Variants in HSF2BP observed in about 807,000 individuals in gnomAD.
HSF2BP encodes heat shock transcription factor 2 binding protein, also known as heat shock factor 2-binding protein.
In HSF2BP, 35 loss-of-function variants were observed where a neutral mutation model predicts 35.0. That is an observed-to-expected ratio of 1.00 (90% CI 0.76 to 1.32). The LOEUF (loss-of-function observed/expected upper bound fraction) is 1.32. HSF2BP is among the 40% of genes most tolerant of loss of function. The pLI, the probability that HSF2BP is intolerant of heterozygous loss-of-function variation, is 0.00. For synonymous variants in HSF2BP, 114 were observed against 117.4 expected, an observed-to-expected ratio of 0.97 and a Z score of 0.18; for missense variants, 326 against 321.7, an observed-to-expected ratio of 1.01 and a Z score of -0.10.
At chr21:43,578,661 T>G (rs982382908) in intron 8 of HSF2BP, among the ~76,000 whole-genome samples, 1 of 152,318 alleles carries the variant, frequency 6.6e-6, no homozygotes, top group Non-Finnish European at 1.5e-5. Context: ...GTGATAACCT[T>G]AGCATGCTGT....
intron 7 of HSF2BP, among the ~76,000 whole-genome samples, chr21:43,609,070 G>A (rs1477260682): frequency 6.6e-6 from 1 of 152,214 alleles, no homozygotes; most frequent in Non-Finnish European, 1.5e-5. Context: ...GTACATACAA[G>A]CCATGGAATA....
rs757750163 is a variant in HSF2BP, at chr21:43,633,405, C to T, written c.308G>A (p.Arg103Gln). The change falls in exon 5 of 9, where the codon CGA becomes CAA. Residue 103 changes from arginine (R) to glutamine (Q), a missense_variant. Transcript: ENST00000291560. ...IREKKEKLAL[R>Q]QQLNEAKQQL... The stretch of plus-strand genomic sequence containing the variant: ...CTGCTTCGCTTCATTCAACTGCTGT[C>T]GAAGAGCCAGTTTCTCCTAAAAGCA... The T allele has an allele frequency of 1.9e-5, 30 of 1,608,630 alleles. No individual in the cohort carries two copies. In the Admixed American group the frequency reaches 3.2e-4, roughly 17 times the overall value.
chr21:43,633,880 A>C (rs2082517630), intron 4 of HSF2BP, among the ~76,000 whole-genome samples: 2 of 152,238 alleles, frequency 1.3e-5, no homozygotes, highest in African/African-American at 2.4e-5. Flanking sequence ...CACCAAATAA[A>C]AGGCACTTGG....
Position 43,597,003 on chromosome 21 carries a change from G to A in HSF2BP, c.693-4675C>T, listed in dbSNP as rs1371945997. On this transcript the variant is annotated intron_variant, in intron 7 of 8. Transcript: ENST00000291560. This position sits in a 1 kb window ranked among gnomAD's most constrained non-coding sequence, Gnocchi z 4.3. ...TCAATCAGAAACCTGGGGATGACCA[G>A]CTTGAGAAGTAAAACCACAGAGTCC... Among the ~76,000 whole-genome samples, 1 of 152,024 alleles carries A rather than the reference G, an allele frequency of 6.6e-6. No individual in the cohort carries two copies. The highest frequency in any genetic ancestry group is 1.5e-5 in the Non-Finnish European group (1 of 68,016).
intron 8 of HSF2BP, among the ~76,000 whole-genome samples, chr21:43,581,409 A>C (rs1024002393): frequency 2.0e-5 from 3 of 152,082 alleles, no homozygotes; most frequent in East Asian, 1.9e-4. Context: ...GAAAGAAAAG[A>C]AAGAAGGATA....
At chr21:43,646,424 T>C (rs193170879) in intron 3 of HSF2BP, among the ~76,000 whole-genome samples, 110 of 152,316 alleles carry the variant, frequency 7.2e-4, no homozygotes, top group Non-Finnish European at 1.1e-3. Context: ...ATACCACCTA[T>C]GGTCACAGAC....
At chr21:43,657,139 G>A (rs1403193969) in intron 2 of HSF2BP, among the ~76,000 whole-genome samples, 1 of 152,188 alleles carries the variant, frequency 6.6e-6, no homozygotes, top group Non-Finnish European at 1.5e-5. Flanking sequence ...GGGAGGCCGA[G>A]GCGGGTGGAT....
At position 43,591,958 on chromosome 21, in the gene HSF2BP, T is replaced by C. The variant is rs183375007; in HGVS notation, c.796+267A>G. 2.2e-4 allele frequency among the ~76,000 whole-genome samples: 34 copies of C among 152,310 alleles called. No individual in the cohort carries two copies. In the East Asian group the frequency reaches 6.2e-3, roughly 28 times the overall value. ...AAGTAACCCTTATTTTACTTAATAA[T>C]GACCCTAAAGCACAAGAGTAGCGGT... On this transcript the variant is annotated intron_variant, in intron 8 of 8. Coordinates refer to ENST00000291560, the MANE Select transcript of HSF2BP (RefSeq NM_007031.2).
chr21:43,495,950 C>T, the HSF2BP span, among the ~76,000 whole-genome samples: 8 of 115,578 alleles, frequency 6.9e-5, no homozygotes, highest in African/African-American at 2.3e-4. Flanking sequence ...AGGAGTGGTG[C>T]TCTATAGCCC....
intron 6 of HSF2BP, among the ~76,000 whole-genome samples, chr21:43,623,555 C>T (rs2082355336): frequency 6.6e-6 from 1 of 152,044 alleles, no homozygotes. Flanking sequence ...GTGTCCATGC[C>T]CAGAAGAGAT....
rs570232251 is a variant in HSF2BP, at chr21:43,652,906, G to A, written c.187+3681C>T. Among the ~76,000 whole-genome samples the A allele has an allele frequency of 1.4e-4, 22 of 152,160 alleles. No individual in the cohort carries two copies. The East Asian group carries it at 2.3e-3, about 16-fold the overall frequency. ...ATCCAGTGCTTTGGGAGGCCGAGGCGGGCAGATCACCTGAGGTCAGGAGTT... is the reference window on the plus strand; with the variant it reads ...ATCCAGTGCTTTGGGAGGCCGAGGCAGGCAGATCACCTGAGGTCAGGAGTT... On this transcript the variant is annotated intron_variant, in intron 3 of 8. Transcript: ENST00000291560.
intron 6 of HSF2BP, among the ~76,000 whole-genome samples, chr21:43,624,780 G>T (rs1476906863): frequency 6.6e-6 from 1 of 152,138 alleles, no homozygotes; most frequent in African/African-American, 2.4e-5. Flanking sequence ...GCATTTAAAA[G>T]ATTTCACTAG....
intron 7 of HSF2BP, among the ~76,000 whole-genome samples, chr21:43,609,717 G>A (rs1398377657): frequency 6.6e-6 from 1 of 152,132 alleles, no homozygotes; most frequent in Non-Finnish European, 1.5e-5. Context: ...CCTTGGAGAT[G>A]TGGTGAGACG....
At chr21:43,642,922 G>C (rs1246189064) in intron 4 of HSF2BP, among the ~76,000 whole-genome samples, 5 of 151,276 alleles carry the variant, frequency 3.3e-5, no homozygotes, top group African/African-American at 1.2e-4. Flanking sequence ...GCCTCAGCCA[G>C]GCTGGTCTCG....
chr21:43,656,935 A>C lies in HSF2BP; in HGVS notation c.37-198T>G, dbSNP rs114358637. 5.6e-3 allele frequency among the ~76,000 whole-genome samples: 857 copies of C among 152,350 alleles called. 3 individuals are homozygous for C. The highest frequency in any genetic ancestry group is 0.019 in the African/African-American group (809 of 41,590). On this transcript the variant is annotated intron_variant, in intron 2 of 8. Transcript: ENST00000291560. ...AAAGCTGAAGCTTCAGCCTTCAAAA[A>C]GGGAGCCAGATGTTAAAAATAATAA...
chr21:43,622,769 C>CA (rs952977239), intron 6 of HSF2BP, among the ~76,000 whole-genome samples: 17 of 150,326 alleles, frequency 1.1e-4, no homozygotes, highest in Non-Finnish European at 1.8e-4. Context: ...TGGTCCAGAC[C>CA]AAAAAAAAAT....
At chr21:43,586,566 A>T (rs1034915018) in intron 8 of HSF2BP, among the ~76,000 whole-genome samples, 2 of 152,088 alleles carry the variant, frequency 1.3e-5, no homozygotes, top group African/African-American at 2.4e-5. Flanking sequence ...TGGCCTAAAC[A>T]CTATTGCATT....
intron 7 of HSF2BP, among the ~76,000 whole-genome samples, chr21:43,603,274 C>A (rs974118540): frequency 6.6e-6 from 1 of 152,196 alleles, no homozygotes; most frequent in Non-Finnish European, 1.5e-5. Context: ...CAGGGCCCCC[C>A]GCAATCCCAA....
chr21:43,595,466 C>CCAGGAG (rs2081972717), intron 7 of HSF2BP, among the ~76,000 whole-genome samples: 2 of 151,938 alleles, frequency 1.3e-5, no homozygotes, highest in South Asian at 4.2e-4. Flanking sequence ...GGAGGTCAGC[C>CCAGGAG]TGGGCAACAT....
Sources: gnomAD v4.1 joint callset for allele counts (sites outside exome capture counted in the v4.1 genomes callset) on GRCh38, gnomAD v4.1.1 for gene constraint, Gnocchi (gnomAD v3.1) non-coding constraint, MANE v1.5 for transcripts, NCBI Gene and HGNC (gene_info 2026-07-23, HGNC 2026-07-21) for gene names.